The following SDC2 variants were observed in gnomAD, a reference collection of about 807,000 sequenced individuals.
SDC2 encodes syndecan-2.
SDC2 carries 13 observed loss-of-function variants against 22.2 expected under a neutral mutation model. That is an observed-to-expected ratio of 0.59 (90% confidence interval 0.38 to 0.93). The LOEUF (loss-of-function observed/expected upper bound fraction) is 0.93. Among genes scored for constraint, SDC2 ranks in the 40% least tolerant of loss-of-function variants. The pLI is 0.00. For synonymous variants in SDC2, 94 were observed against 92.8 expected (o/e 1.01, Z -0.07); for missense variants, 235 against 246.8 (o/e 0.95, Z 0.32).
Position 96,523,866 on chromosome 8 carries a change from G to A in SDC2, c.60+29535G>A, listed in dbSNP as rs190090932. Among the ~76,000 whole-genome samples, 521 of 152,242 alleles carry A rather than the reference G, an allele frequency of 3.4e-3. 1 individual carries two copies. Among genetic ancestry groups the A allele is most frequent in the Non-Finnish European group, 5.0e-3 (338 of 68,016 alleles). On this transcript the variant is annotated intron_variant, in intron 1 of 4. Transcript: ENST00000302190. ...TATCATACAGGGGAGTAGGATTTAG[G>A]TAGGTGTAAAGTTGCTCAACGTGTT...
intron 1 of SDC2, among the ~76,000 whole-genome samples, chr8:96,525,077 G>A (rs1158431688): frequency 6.6e-6 from 1 of 152,190 alleles, no homozygotes; most frequent in African/African-American, 2.4e-5. Flanking sequence ...TCATTCCAGA[G>A]GAATGATTGG....
At position 96,609,532 on chromosome 8, in the gene SDC2, A is replaced by G; in HGVS notation, c.590A>G (p.Lys197Arg). The G allele has an allele frequency of 6.3e-7, 1 of 1,597,216 alleles. No homozygotes were observed. The part of the protein sequence containing the change: ...SSAAYQKAPT[K>R]EFYA Reference sequence around the variant, plus strand: ...GCTGCTTATCAGAAGGCACCTACTAAGGAGTTTTATGCGTAAAACTCCAAC... The same window carrying G: ...GCTGCTTATCAGAAGGCACCTACTAGGGAGTTTTATGCGTAAAACTCCAAC... Residue 197 changes from lysine (K) to arginine (R), a missense_variant, in exon 5 of 5, where the codon AAG (lysine) becomes AGG (arginine). Transcript: ENST00000302190.
chr8:96,591,170 A>G (rs1814775206), intron 1 of SDC2, among the ~76,000 whole-genome samples: 1 of 152,224 alleles, frequency 6.6e-6, no homozygotes, highest in Admixed American at 6.5e-5. Context: ...GGGATTAAGT[A>G]TCTCAGTATT....
In SDC2 at chr8:96,540,726, C is replaced by A. The variant is rs182471490; in HGVS notation, c.60+46395C>A. ...GTTTTTCTCATTCTGTAGTGGTTTT[C>A]TTTTTCCGGTTGAAGAGGCTATCCT... is the stretch of plus-strand genomic sequence containing the variant. On this transcript the variant is annotated intron_variant, in intron 1 of 4. Coordinates refer to ENST00000302190, the MANE Select transcript of SDC2 (RefSeq NM_002998.4). Among the ~76,000 whole-genome samples the A allele has an allele frequency of 2.0e-4, 30 of 152,232 alleles. 2 individuals carry two copies. The highest frequency in any genetic ancestry group is 7.0e-4 in the African/African-American group (29 of 41,546).
At chr8:96,573,549 A>G (rs1329504876) in intron 1 of SDC2, among the ~76,000 whole-genome samples, 1 of 152,076 alleles carries the variant, frequency 6.6e-6, no homozygotes, top group Admixed American at 6.5e-5. Context: ...AGCAGCGACT[A>G]TTGTCATTTA....
intron 1 of SDC2, among the ~76,000 whole-genome samples, chr8:96,549,904 A>G (rs552214248): frequency 1.3e-5 from 2 of 152,284 alleles, no homozygotes; most frequent in African/African-American, 4.8e-5. Flanking sequence ...GTTAGAATCT[A>G]CTTTCTAATT....
chr8:96,575,969 C>G (rs1328922088), intron 1 of SDC2, among the ~76,000 whole-genome samples: 1 of 152,162 alleles, frequency 6.6e-6, no homozygotes, highest in Non-Finnish European at 1.5e-5. Flanking sequence ...TTTCTGTCTT[C>G]CCCCTTACCG....
chr8:96,566,552 C>T (rs1336022453), intron 1 of SDC2, among the ~76,000 whole-genome samples: 2 of 152,026 alleles, frequency 1.3e-5, no homozygotes, highest in Non-Finnish European at 2.9e-5. Context: ...TATCATAACT[C>T]TCATACTTAT....
intron 1 of SDC2, chr8:96,580,512 CATCTT>C (rs1166630194): frequency 3.0e-6 from 3 of 985,236 alleles, no homozygotes; most frequent in Non-Finnish European, 3.6e-6. Context: ...ACTACAGACT[CATCTT>C]ATACCAATTA....
intron 1 of SDC2, among the ~76,000 whole-genome samples, chr8:96,533,639 C>T (rs1399134099): frequency 6.6e-6 from 1 of 150,856 alleles, no homozygotes; most frequent in Non-Finnish European, 1.5e-5. Context: ...CATTTACAAA[C>T]CTTGAGCTAG....
chr8:96,496,923 C>G (rs966911172), intron 1 of SDC2, among the ~76,000 whole-genome samples: 1 of 152,120 alleles, frequency 6.6e-6, no homozygotes, highest in African/African-American at 2.4e-5. Flanking sequence ...ACTTTGGCTG[C>G]GGAGCACCAG....
chr8:96,565,572 G>A (rs1814287067), intron 1 of SDC2, among the ~76,000 whole-genome samples: 1 of 152,026 alleles, frequency 6.6e-6, no homozygotes, highest in African/African-American at 2.4e-5. Context: ...TGTGGTGTTG[G>A]GAGACAGAGA....
chr8:96,585,934 C>T (rs1395101155), intron 1 of SDC2, among the ~76,000 whole-genome samples: 1 of 146,856 alleles, frequency 6.8e-6, no homozygotes, highest in East Asian at 2.3e-4. Flanking sequence ...TTTTATGAAA[C>T]AGATTTTACT....
intron 1 of SDC2, among the ~76,000 whole-genome samples, chr8:96,544,486 A>G (rs554015232): frequency 1.3e-5 from 2 of 152,116 alleles, no homozygotes; most frequent in African/African-American, 2.4e-5. Context: ...TGCCGCCTCA[A>G]TGATGTTTTC....
intron 1 of SDC2, among the ~76,000 whole-genome samples, chr8:96,540,322 T>C (rs1813824585): frequency 1.3e-5 from 1 of 77,996 alleles, no homozygotes; most frequent in Non-Finnish European, 3.4e-5. Context: ...CAAAACCCTG[T>C]CTCTACTATA....
chr8:96,558,199 A>G (rs1814151263), intron 1 of SDC2, among the ~76,000 whole-genome samples: 2 of 152,038 alleles, frequency 1.3e-5, no homozygotes. Context: ...GAGTGGATAT[A>G]GGGTGAGAGG....
chr8:96,544,486 A>C (rs554015232), intron 1 of SDC2, among the ~76,000 whole-genome samples: 1 of 152,234 alleles, frequency 6.6e-6, no homozygotes, highest in East Asian at 1.9e-4. Flanking sequence ...TGCCGCCTCA[A>C]TGATGTTTTC....
At chr8:96,569,772 G>A (rs1241602747) in intron 1 of SDC2, among the ~76,000 whole-genome samples, 4 of 152,154 alleles carry the variant, frequency 2.6e-5, no homozygotes, top group African/African-American at 9.7e-5. Context: ...GGGAAGTTGG[G>A]TGTCTTCTCA....
chr8:96,500,248 G>A (rs1813140790), intron 1 of SDC2, among the ~76,000 whole-genome samples: 1 of 152,196 alleles, frequency 6.6e-6, no homozygotes, highest in Admixed American at 6.5e-5. Context: ...GAAGGAGAGA[G>A]TTAGAATTTA....
Sources: allele counts gnomAD v4.1 joint callset (sites outside exome capture counted in the v4.1 genomes callset), GRCh38; gene constraint gnomAD v4.1.1; transcripts MANE v1.5; gene names NCBI Gene and HGNC (gene_info 2026-07-23, HGNC 2026-07-21).